The following RUVBL1 variants were observed in gnomAD, a reference collection of about 807,000 sequenced individuals.
RUVBL1 encodes the protein ruvB-like 1.
RUVBL1 carries 4 observed loss-of-function variants against 52.4 expected under a neutral mutation model. The observed-to-expected ratio is 0.08, with a 90% CI of 0.04 to 0.17. The LOEUF (loss-of-function observed/expected upper bound fraction) is 0.17. Among genes scored for constraint, RUVBL1 ranks in the 10% least tolerant of loss-of-function variants. The pLI is 1.00. For synonymous variants in RUVBL1, 217 were observed against 214.4 expected (o/e 1.01, Z -0.10); for missense variants, 298 against 572.8 (o/e 0.52, Z 4.90).
intron 3 of RUVBL1, among the ~76,000 whole-genome samples, chr3:128,111,221 A>G (rs991998834): frequency 2.7e-4 from 1 of 3,686 alleles, no homozygotes; most frequent in African/African-American, 2.8e-3. Flanking sequence ...CTCTCTCTCA[A>G]AAAAAAAAAA....
At chr3:128,124,198 T>TA (rs1181679300), upstream of RUVBL1, among the ~76,000 whole-genome samples, 1 of 152,178 alleles carries the variant, frequency 6.6e-6, no homozygotes, top group Non-Finnish European at 1.5e-5. Context: ...GATTGGTTAC[T>TA]AACCAATGTT....
chr3:128,138,724 A>G (rs1943980044), intron 1 of RUVBL1, among the ~76,000 whole-genome samples: 1 of 152,206 alleles, frequency 6.6e-6, no homozygotes, highest in Non-Finnish European at 1.5e-5. Context: ...TGCAACCATG[A>G]AAGACTCAGG....
intron 2 of RUVBL1, 72 bp downstream of exon 2, chr3:128,119,256 A>G: frequency 9.0e-7 from 1 of 1,113,988 alleles, no homozygotes. Context: ...TAGTTAAGAC[A>G]TGAATTCAAT....
intron 1 of RUVBL1, among the ~76,000 whole-genome samples, chr3:128,139,252 A>G (rs1943986443): frequency 6.6e-6 from 1 of 152,232 alleles, no homozygotes; most frequent in South Asian, 2.1e-4. Flanking sequence ...CAAAGTGAAG[A>G]GACAACCCAC....
At chr3:128,077,825 TTGACAAAC>T (rs1437928711), downstream of RUVBL1, among the ~76,000 whole-genome samples, 7 of 152,346 alleles carry the variant, frequency 4.6e-5, no homozygotes, top group African/African-American at 1.7e-4. Flanking sequence ...TTCCTCCAGT[TTGACAAAC>T]TGTGACCTCT....
At chr3:128,114,775 T>C (rs143958141) in intron 2 of RUVBL1, among the ~76,000 whole-genome samples, 87 of 152,286 alleles carry the variant, frequency 5.7e-4, no homozygotes, top group African/African-American at 2.0e-3. Context: ...AAGGGCACAA[T>C]GAGAGGAGCA....
chr3:128,082,893 T>C lies in RUVBL1; in HGVS notation c.1120-319A>G. 1 of 238,890 alleles carries C rather than the reference T, an allele frequency of 4.2e-6. No homozygotes were observed. The highest frequency in any genetic ancestry group is 8.3e-6 in the Non-Finnish European group (1 of 121,080). The allele number at this position is 238,890 out of a possible 1,614,324, so 14.8% of individuals were successfully genotyped here. ...CTTGCCTCCATGTCCTCCCGTCCCC[T>C]GTCCCCAGGCAGAGAACTGGGGCCT... On this transcript the variant is annotated intron_variant, in intron 9 of 10. Coordinates refer to ENST00000322623, the MANE Select transcript of RUVBL1 (RefSeq NM_003707.3). This position sits in a 1 kb window ranked among gnomAD's most constrained non-coding sequence, Gnocchi z 4.7.
intron 1 of RUVBL1, 137 bp from the exon 2 acceptor site, chr3:128,119,551 T>C (rs1356629512): frequency 3.1e-6 from 2 of 635,822 alleles, no homozygotes; most frequent in East Asian, 5.9e-5. Context: ...GTCACTGTTC[T>C]AGGTGCCGAG....
chr3:128,098,415 A>C (rs1348760638), intron 7 of RUVBL1, among the ~76,000 whole-genome samples: 1 of 152,248 alleles, frequency 6.6e-6, no homozygotes, highest in Admixed American at 6.5e-5. Flanking sequence ...AATTAGAAAA[A>C]AAACAGCAAC....
rs1942499628 is a variant in RUVBL1 at position 128,082,304 on chromosome 3, C to T, written c.1211+179G>A. On this transcript the variant is annotated intron_variant, in intron 10 of 10. Transcript: ENST00000322623. This position sits in a 1 kb window ranked among gnomAD's most constrained non-coding sequence, Gnocchi z 4.7. Reference sequence around the variant, plus strand: ...CACCCTTACTCTAGCTTGTTAAAAACCATCAGATAGATCCTCTGCATTTGA... The same window carrying T: ...CACCCTTACTCTAGCTTGTTAAAAATCATCAGATAGATCCTCTGCATTTGA... The T allele has an allele frequency of 3.5e-6, 2 of 576,340 alleles. No homozygotes were observed. The highest frequency in any genetic ancestry group is 6.2e-6 in the Non-Finnish European group (2 of 321,212). The allele number at this position is 576,340 out of a possible 1,614,324, so 35.7% of individuals were successfully genotyped here.
chr3:128,104,787 T>A lies in RUVBL1; in HGVS notation c.499A>T (p.Thr167Ser). 1 of 1,609,264 alleles carries A rather than the reference T, an allele frequency of 6.2e-7. No individual in the cohort carries two copies. The highest frequency in any genetic ancestry group is 8.5e-7 in the Non-Finnish European group (1 of 1,175,962). Residue 167 changes from threonine (T) to serine (S), a missense_variant, in exon 4 of 11, where the codon ACC becomes TCC. Around this residue, in one of 5 missense-constraint regions of RUVBL1, gnomAD observed 58 missense variants for 83.2 expected, o/e 0.70. Coordinates refer to ENST00000322623, the MANE Select transcript of RUVBL1 (RefSeq NM_003707.3). ...CATGTACTCACTTTCAACTGTTTGG[T>A]TCCTTTGGCTGTTTTGAGTCCTATG... ...VIIGLKTAKG[T>S]KQLKLDPSIF...
chr3:128,140,234 T>G (rs1489531616), intron 1 of RUVBL1, among the ~76,000 whole-genome samples: 6 of 83,310 alleles, frequency 7.2e-5, no homozygotes, highest in Non-Finnish European at 1.2e-4. Flanking sequence ...GTTTGTTTGT[T>G]TTTTTTTTTT....
rs375998813 is a variant in RUVBL1 at position 128,097,455 on chromosome 3, G to A, written c.861C>T (p.Ile287=). The change falls in exon 8 of 11, where the codon ATC becomes ATT. Residue 287 remains isoleucine (I), a synonymous_variant. Coordinates refer to ENST00000322623, the MANE Select transcript of RUVBL1 (RefSeq NM_003707.3). The part of the protein sequence containing the change: ...GEINKVVNKY[I]DQGIAELVPG... ...GGACCAGCTCAGCAATGCCCTGGTC[G>A]ATGTACTTGTTCACCACCTTATTAA... is the stretch of plus-strand genomic sequence containing the variant. The A allele has an allele frequency of 9.3e-6, 15 of 1,614,074 alleles. No individual in the cohort carries two copies. The highest frequency in any genetic ancestry group is 3.3e-5 in the South Asian group (3 of 91,076).
chr3:128,131,284 C>T (rs1943872509), intron 1 of RUVBL1, among the ~76,000 whole-genome samples: 1 of 151,996 alleles, frequency 6.6e-6, no homozygotes, highest in Admixed American at 6.6e-5. Context: ...GGCAGATCAC[C>T]TGAGATCAGG....
intron 1 of RUVBL1, among the ~76,000 whole-genome samples, chr3:128,142,720 A>T (rs1394552857): frequency 6.6e-6 from 1 of 152,152 alleles, no homozygotes; most frequent in Non-Finnish European, 1.5e-5. Context: ...CTTCAAAGCC[A>T]AAAATGGCCA....
At chr3:128,131,169 T>C (rs1943871461) in intron 1 of RUVBL1, among the ~76,000 whole-genome samples, 1 of 152,164 alleles carries the variant, frequency 6.6e-6, no homozygotes, top group Non-Finnish European at 1.5e-5. Context: ...ATGCATTCTA[T>C]GAGGCCAGTG....
upstream of RUVBL1, among the ~76,000 whole-genome samples, chr3:128,124,582 C>T (rs1260964173): frequency 6.6e-6 from 1 of 152,204 alleles, no homozygotes; most frequent in African/African-American, 2.4e-5. Flanking sequence ...ATTAGCACAA[C>T]CTGCACCACA....
chr3:128,100,219 G>C (rs4857866), intron 6 of RUVBL1, among the ~76,000 whole-genome samples: 109,130 of 152,088 alleles, frequency 0.72, 39,310 homozygotes, highest in East Asian at 0.89. Flanking sequence ...CAGGGGGAAA[G>C]AAAGAGCTTT....
At chr3:128,071,546 C>CA (rs1186215573) in intron 9 of RUVBL1, 1 of 152,716 alleles carries the variant, frequency 6.5e-6, no homozygotes, top group African/African-American at 2.4e-5. Context: ...GGCCCACACT[C>CA]ACGCCCTGTG....
Sources: gnomAD v4.1 joint callset for allele counts (sites outside exome capture counted in the v4.1 genomes callset) on GRCh38, gnomAD v4.1.1 for gene constraint, gnomAD v4.1.1 regional missense constraint, Gnocchi (gnomAD v3.1) non-coding constraint, MANE v1.5 for transcripts, NCBI Gene and HGNC (gene_info 2026-07-23, HGNC 2026-07-21) for gene names.